The following ARID5B variants were observed in gnomAD, a reference collection of about 807,000 sequenced individuals.
The protein encoded by ARID5B is AT-rich interactive domain-containing protein 5B.
ARID5B carries 13 observed loss-of-function variants against 97.2 expected under a neutral mutation model. The ratio of observed to expected loss-of-function variants is 0.13; its 90% CI spans 0.09 to 0.21. The LOEUF (loss-of-function observed/expected upper bound fraction) is 0.21, where lower values mean the gene tolerates loss of function less well. Among genes scored for constraint, ARID5B ranks in the 10% least tolerant of loss-of-function variants. ARID5B has a pLI of 1.00. For synonymous variants in ARID5B, 556 were observed against 570.3 expected (o/e 0.97, Z 0.36); for missense variants, 1,210 against 1,465.3 (o/e 0.83, Z 2.84).
At chr10:62,007,899 G>A (rs1275511618) in intron 4 of ARID5B, among the ~76,000 whole-genome samples, 1 of 152,060 alleles carries the variant, frequency 6.6e-6, no homozygotes, top group East Asian at 1.9e-4. Context: ...CCCCAGGGAA[G>A]TCTTCTCTGA....
chr10:62,059,412 C>T (rs1839894968), intron 7 of ARID5B, 117 bp downstream of exon 7: 1 of 814,178 alleles, frequency 1.2e-6, no homozygotes, highest in South Asian at 1.8e-5. Context: ...TCAAATGGCT[C>T]TACACTTTTG....
At chr10:62,076,415 A>G (rs1840134703) in intron 8 of ARID5B, among the ~76,000 whole-genome samples, 1 of 151,954 alleles carries the variant, frequency 6.6e-6, no homozygotes, top group Non-Finnish European at 1.5e-5. Context: ...GGTGGCACAC[A>G]CCTGTAATCC....
intron 3 of ARID5B, among the ~76,000 whole-genome samples, chr10:61,990,868 C>T (rs555622207): frequency 6.6e-6 from 1 of 152,188 alleles, no homozygotes; most frequent in Admixed American, 6.5e-5. Flanking sequence ...ACTTTTTCAC[C>T]ATTCCTAACA....
At position 62,092,340 on chromosome 10, in the gene ARID5B, C is replaced by T; in HGVS notation, c.2877C>T (p.Pro959=). ...ACCCCAAAGCCTGTCGGGTATCACC[C>T]ATGACCATGTCAGGCCCTAAAAAAT... ...DCHPKACRVS[P]MTMSGPKKYP... Residue 959 remains proline, a synonymous_variant, in exon 10 of 10, where the codon CCC becomes CCT. Coordinates refer to ENST00000279873, the MANE Select transcript of ARID5B (RefSeq NM_032199.3). 6.2e-7 allele frequency: 1 copy of T among 1,613,888 alleles called. No individual in the cohort carries two copies. Among genetic ancestry groups the T allele is most frequent in the South Asian group, 1.1e-5 (1 of 91,024 alleles).
At chr10:62,072,392 A>C (rs934337466) in intron 8 of ARID5B, among the ~76,000 whole-genome samples, 2 of 152,228 alleles carry the variant, frequency 1.3e-5, no homozygotes, top group African/African-American at 4.8e-5. Context: ...CCCAGGACAC[A>C]CTGTTTGCAG....
intron 4 of ARID5B, among the ~76,000 whole-genome samples, chr10:62,044,090 G>GGAA (rs1339710222): frequency 2.0e-5 from 3 of 151,880 alleles, no homozygotes; most frequent in Non-Finnish European, 1.5e-5. Context: ...CCTTCCAGGA[G>GGAA]GAAGAACAAG....
Position 61,957,596 on chromosome 10 carries a change from T to G in ARID5B, c.502+17188T>G, listed in dbSNP as rs1198917219. 2.0e-5 allele frequency among the ~76,000 whole-genome samples: 3 copies of G among 152,200 alleles called. No individual in the cohort carries two copies. In the East Asian group the frequency reaches 5.8e-4, roughly 29 times the overall value. ...TCTTGGCATTTTAACTGTCATATAT[T>G]TAGCATGCAGACTGGATGTACTGGA... On this transcript the variant is annotated intron_variant, in intron 3 of 9. Coordinates refer to ENST00000279873, the MANE Select transcript of ARID5B (RefSeq NM_032199.3).
At chr10:62,006,168 G>T (rs11814943) in intron 4 of ARID5B, among the ~76,000 whole-genome samples, 1 of 152,242 alleles carries the variant, frequency 6.6e-6, no homozygotes, top group South Asian at 2.1e-4. Context: ...CAGGCTGGGC[G>T]TGGTGGTTCA....
intron 8 of ARID5B, among the ~76,000 whole-genome samples, chr10:62,070,517 A>T (rs2132954926): frequency 6.6e-6 from 1 of 152,330 alleles, no homozygotes; most frequent in Admixed American, 6.5e-5. Context: ...CAACTTCCTT[A>T]TAACTGGCAT....
intron 2 of ARID5B, among the ~76,000 whole-genome samples, chr10:61,909,578 G>A (rs975198528): frequency 1.3e-4 from 20 of 152,192 alleles, no homozygotes; most frequent in African/African-American, 4.8e-4. Context: ...ACCCGCCTTG[G>A]CCTCCCAAAG....
chr10:62,031,519 G>C (rs1388068782), intron 4 of ARID5B, among the ~76,000 whole-genome samples: 1 of 152,192 alleles, frequency 6.6e-6, no homozygotes, highest in Non-Finnish European at 1.5e-5. Context: ...ACTTGGTAAA[G>C]ACCATGGGTT....
intron 3 of ARID5B, among the ~76,000 whole-genome samples, chr10:61,954,334 G>T (rs1405425586): frequency 6.6e-6 from 1 of 151,740 alleles, no homozygotes; most frequent in African/African-American, 2.4e-5. Context: ...TCTAGCCTGG[G>T]CAACAAGAGG....
intron 2 of ARID5B, among the ~76,000 whole-genome samples, chr10:61,928,582 C>T (rs1383670289): frequency 6.6e-6 from 1 of 152,158 alleles, no homozygotes; most frequent in Non-Finnish European, 1.5e-5. Flanking sequence ...CATGAGCCAC[C>T]GTACCTGCCC....
Position 61,977,705 on chromosome 10 carries a change from G to A in ARID5B, c.503-22386G>A, listed in dbSNP as rs1421169718. Among the ~76,000 whole-genome samples, 5 of 152,120 alleles carry A rather than the reference G, an allele frequency of 3.3e-5. No homozygotes were observed. The South Asian group carries it at 8.3e-4, about 25-fold the overall frequency. On this transcript the variant is annotated intron_variant, in intron 3 of 9. Coordinates refer to ENST00000279873, the MANE Select transcript of ARID5B (RefSeq NM_032199.3). The stretch of plus-strand genomic sequence containing the variant: ...CCTTTGCCCACTTTTTGATGGGGTT[G>A]TTTGTTTTTTTCCTTGTAAATTTGT...
At chr10:62,067,363 G>T (rs1026380799) in intron 7 of ARID5B, among the ~76,000 whole-genome samples, 1 of 152,224 alleles carries the variant, frequency 6.6e-6, no homozygotes, top group Non-Finnish European at 1.5e-5. Context: ...GGTTATAGGC[G>T]TGAGCCACCA....
At chr10:62,046,684 G>T (rs1839712279) in intron 4 of ARID5B, 1 of 151,898 alleles carries the variant, frequency 6.6e-6, no homozygotes, top group South Asian at 2.1e-4. Flanking sequence ...AGAGGGGAAA[G>T]ATTTTTTTTT....
At chr10:61,935,275 C>G (rs1392988559) in intron 2 of ARID5B, among the ~76,000 whole-genome samples, 1 of 152,078 alleles carries the variant, frequency 6.6e-6, no homozygotes, top group African/African-American at 2.4e-5. Context: ...TATAGCAGCT[C>G]TGTTTGTAAT....
chr10:62,002,547 G>A (rs1220839584), intron 4 of ARID5B, among the ~76,000 whole-genome samples: 1 of 152,128 alleles, frequency 6.6e-6, no homozygotes, highest in Non-Finnish European at 1.5e-5. Context: ...GCAGATTTGA[G>A]CAACTTCACT....
intron 2 of ARID5B, among the ~76,000 whole-genome samples, chr10:61,930,726 T>A (rs545577985): frequency 1.3e-5 from 2 of 149,954 alleles, no homozygotes; most frequent in Non-Finnish European, 3.0e-5. Flanking sequence ...CCTCAAAAAA[T>A]AAATAAATAA....
Sources: gnomAD v4.1 joint callset for allele counts (sites outside exome capture counted in the v4.1 genomes callset) on GRCh38, gnomAD v4.1.1 for gene constraint, MANE v1.5 for transcripts, NCBI Gene and HGNC (gene_info 2026-07-23, HGNC 2026-07-21) for gene names.